ABCA9: variants seen among roughly 807,000 people sequenced by gnomAD.
The protein encoded by ABCA9 is ATP-binding cassette sub-family A member 9.
Under a neutral mutation model 205.3 loss-of-function variants are expected in ABCA9, and 183 were observed. The ratio of observed to expected loss-of-function variants is 0.89; its 90% confidence interval spans 0.79 to 1.01. ABCA9 has a LOEUF of 1.01. Among genes scored for constraint, ABCA9 ranks in the 50% least tolerant of loss-of-function variants. The pLI, the probability that ABCA9 is intolerant of heterozygous loss-of-function variation, is 0.00. For missense variants in ABCA9, 1,805 were observed against 1,912.4 expected, an observed-to-expected ratio of 0.94 and a Z score of 1.05; for synonymous variants, 651 against 683.3, an observed-to-expected ratio of 0.95 and a Z score of 0.74.
chr17:69,070,805 C>T, the ABCA9 span, among the ~76,000 whole-genome samples: 1 of 152,218 alleles, frequency 6.6e-6, no homozygotes, highest in South Asian at 2.1e-4. Context: ...CAGCAGATCA[C>T]ACCTTCACAG....
At chr17:69,042,157 C>T (rs2062024615) in intron 6 of ABCA9, 1 of 136,194 alleles carries the variant, frequency 7.3e-6, no homozygotes, top group South Asian at 2.6e-4. Context: ...GACAATTCAA[C>T]CCTTGTTTCC....
chr17:69,041,924 T>A lies in ABCA9; in HGVS notation c.800+1565A>T, dbSNP rs1224344468. On this transcript the variant is annotated intron_variant, in intron 6 of 38. Transcript: ENST00000340001. ...AAATCACATAAACTTTATTTTTTTC[T>A]ACTCAGTAATGTCTAATATTCTTTG... Among the ~76,000 whole-genome samples the A allele has an allele frequency of 2.6e-5, 4 of 152,292 alleles. No individual in the cohort carries two copies. The East Asian group carries it at 5.8e-4, about 22-fold the overall frequency.
At chr17:68,983,961 C>T in intron 35 of ABCA9, 95 bp downstream of exon 35, 1 of 1,601,590 alleles carries the variant, frequency 6.2e-7, no homozygotes, top group Non-Finnish European at 8.5e-7. Flanking sequence ...AGCAACCATG[C>T]TAGCTCCTCA....
At chr17:68,978,301 T>C (rs2068944082) in intron 37 of ABCA9, among the ~76,000 whole-genome samples, 1 of 152,202 alleles carries the variant, frequency 6.6e-6, no homozygotes, top group South Asian at 2.1e-4. Flanking sequence ...CCTGCCTTTT[T>C]TTTGTTTTCC....
chr17:69,025,675 A>G (rs1034356856), intron 16 of ABCA9, among the ~76,000 whole-genome samples: 5 of 152,322 alleles, frequency 3.3e-5, no homozygotes, highest in Middle Eastern at 3.4e-3. Context: ...AAGTGATTTG[A>G]ATCATTTTTT....
In ABCA9 at chr17:68,976,013, C is replaced by T. The variant is rs2068882779; in HGVS notation, c.4777G>A (p.Val1593Ile). 1.9e-6 allele frequency: 3 copies of T among 1,613,614 alleles called. No individual in the cohort carries two copies. In the Middle Eastern group the frequency reaches 4.9e-4, roughly 266 times the overall value. Residue 1593 changes from valine to isoleucine, a missense_variant and splice_region_variant, in exon 39 of 39, where the codon GTT (valine) becomes ATT (isoleucine). Coordinates refer to ENST00000340001, the MANE Select transcript of ABCA9 (RefSeq NM_080283.4). ...TGCTCCTTGGAGAGCTCCAGGAAAA[C>T]CTAAAAGGAAGGAAAGAAATAAAGA... ...YSLSQSTLEQ[V>I]FLELSKEQEL...
At chr17:69,034,971 T>G (rs1003469448) in intron 8 of ABCA9, 6 of 255,440 alleles carry the variant, frequency 2.3e-5, no homozygotes, top group Non-Finnish European at 3.7e-5. Flanking sequence ...AAGGGTCATG[T>G]TTCCTGAGCA....
chr17:69,027,406 T>C lies in ABCA9; in HGVS notation c.1835A>G (p.Asp612Gly). 6.2e-7 allele frequency: 1 copy of C among 1,613,072 alleles called. No individual in the cohort carries two copies. Residue 612 changes from aspartate (D) to glycine (G), a missense_variant, in exon 14 of 39, where the codon GAC becomes GGC. Coordinates refer to ENST00000340001, the MANE Select transcript of ABCA9 (RefSeq NM_080283.4). The part of the protein sequence containing the change: ...VQELEMENIQ[D>G]ILAQNLSGGQ... ...ACCACTTAAGTTTTGAGCAAGGATG[T>C]CTTGAATATTTTCCATTTCTAATTC...
chr17:69,072,719 T>C, the ABCA9 span, among the ~76,000 whole-genome samples: 2 of 151,842 alleles, frequency 1.3e-5, no homozygotes, highest in East Asian at 3.9e-4. Flanking sequence ...GCTAGCATCA[T>C]AATGACAGGA....
chr17:69,069,092 C>T, the ABCA9 span, among the ~76,000 whole-genome samples: 2 of 152,046 alleles, frequency 1.3e-5, no homozygotes, highest in African/African-American at 2.4e-5. Context: ...ATGTAAAGAG[C>T]GTGGAAGTCA....
intron 26 of ABCA9, 81 bp downstream of exon 26, chr17:68,995,814 T>C: frequency 6.5e-7 from 1 of 1,542,678 alleles, no homozygotes; most frequent in Non-Finnish European, 8.8e-7. Flanking sequence ...CTGAGGACTC[T>C]ATCTATATTT....
chr17:69,066,979 G>A, the ABCA9 span, among the ~76,000 whole-genome samples: 1 of 152,102 alleles, frequency 6.6e-6, no homozygotes, highest in African/African-American at 2.4e-5. Context: ...TGATGGATCA[G>A]GAAAGGCATC....
Position 68,976,116 on chromosome 17 carries a change from A to G in ABCA9, c.4776+19T>C. Reference sequence around the variant, plus strand: ...ATGTATATTCCATGGATGATATAGAATCACTAAAAATGACCCACCTGCTCC... The same window carrying G: ...ATGTATATTCCATGGATGATATAGAGTCACTAAAAATGACCCACCTGCTCC... On this transcript the variant is annotated intron_variant, in intron 38 of 38. Transcript: ENST00000340001. The G allele has an allele frequency of 6.2e-7, 1 of 1,612,368 alleles. No homozygotes were observed. The highest frequency in any genetic ancestry group is 8.5e-7 in the Non-Finnish European group (1 of 1,178,378).
At position 68,975,718 on chromosome 17, in the gene ABCA9, T is replaced by C. The variant is rs2068874634; in HGVS notation, c.*197A>G. ...TTGCTGGCACAAAGGCTGCATGGTA[T>C]GGCTTAGGCTTATGCCCTATGATCG... is the stretch of plus-strand genomic sequence containing the variant. On this transcript the variant is annotated 3_prime_UTR_variant, in exon 39 of 39. Coordinates refer to ENST00000340001, the MANE Select transcript of ABCA9 (RefSeq NM_080283.4). 1 of 501,152 alleles carries C rather than the reference T, an allele frequency of 2.0e-6. No individual in the cohort carries two copies. Among genetic ancestry groups the C allele is most frequent in the African/African-American group, 1.9e-5 (1 of 52,604 alleles). 31.0% of individuals were successfully genotyped at this position (501,152 alleles called of 1,614,324 possible).
intron 17 of ABCA9, 146 bp from the exon 18 acceptor site, chr17:69,022,007 C>G: frequency 1.9e-6 from 1 of 539,882 alleles, no homozygotes; most frequent in Non-Finnish European, 2.8e-6. Context: ...TAAAATGATC[C>G]ATATAGTATG....
At chr17:69,021,677 C>A in intron 18 of ABCA9, 65 bp downstream of exon 18, 1 of 1,023,234 alleles carries the variant, frequency 9.8e-7, no homozygotes, top group Non-Finnish European at 1.4e-6. Flanking sequence ...ATCTTTCTTT[C>A]GTCCTTCCTT....
In ABCA9 at chr17:69,045,252, A is replaced by T. The variant is rs756921901; in HGVS notation, c.389T>A (p.Phe130Tyr). ...CAAATGGTAGGAGAAGGTATCAGTA[A>T]AGATGACTCTCACTGCGTCTATTGA... ...NYSIDAVRVI[F>Y]TDTFSYHLKF... The change falls in exon 4 of 39, where the codon TTT becomes TAT. Residue 130 changes from phenylalanine (F) to tyrosine (Y), a missense_variant. Transcript: ENST00000340001. The T allele has an allele frequency of 2.6e-5, 42 of 1,613,288 alleles. No homozygotes were observed. In the East Asian group the frequency reaches 8.9e-4, roughly 34 times the overall value.
chr17:69,049,114 C>T (rs2071815098), intron 3 of ABCA9, among the ~76,000 whole-genome samples, 169 bp downstream of exon 3: 1 of 152,064 alleles, frequency 6.6e-6, no homozygotes. Flanking sequence ...CTAAATGGGA[C>T]ACTAGTGAAC....
chr17:69,077,058 G>C, the ABCA9 span, among the ~76,000 whole-genome samples: 88 of 151,720 alleles, frequency 5.8e-4, no homozygotes, highest in African/African-American at 2.0e-3. Flanking sequence ...GCTAGTTTTG[G>C]GATTTTGTTC....
Sources: gnomAD v4.1 joint callset for allele counts (sites outside exome capture counted in the v4.1 genomes callset) on GRCh38, gnomAD v4.1.1 for gene constraint, MANE v1.5 for transcripts, NCBI Gene and HGNC (gene_info 2026-07-23, HGNC 2026-07-21) for gene names.